CRY1: variants seen among roughly 807,000 people sequenced by gnomAD.
CRY1 encodes the protein cryptochrome-1.
CRY1 carries 45 observed loss-of-function variants against 76.0 expected under a neutral mutation model. The ratio of observed to expected loss-of-function variants is 0.59; its 90% CI spans 0.47 to 0.76. CRY1 has a LOEUF of 0.76. Among genes scored for constraint, CRY1 ranks in the 30% least tolerant of loss-of-function variants. The pLI is 0.00. For synonymous variants in CRY1, 248 were observed against 244.0 expected (o/e 1.02, Z -0.15); for missense variants, 587 against 716.4 (o/e 0.82, Z 2.06).
At position 107,082,348 on chromosome 12, in the gene CRY1, T is replaced by C. The variant is rs1009771615; in HGVS notation, c.158+10456A>G. Among the ~76,000 whole-genome samples, 18 of 152,246 alleles carry C rather than the reference T, an allele frequency of 1.2e-4. 1 individual carries two copies. The Middle Eastern group carries it at 0.01, about 86-fold the overall frequency. ...AACTCAACTCCGGACCAAGCAGACC[T>C]AGTAGACATCTACAGAACTCTCTAC... On this transcript the variant is annotated intron_variant, in intron 1 of 12. Coordinates refer to ENST00000008527, the MANE Select transcript of CRY1 (RefSeq NM_004075.5).
chr12:107,009,720 GTAAATA>G (rs1952422032), intron 2 of CRY1, among the ~76,000 whole-genome samples: 2 of 150,742 alleles, frequency 1.3e-5, no homozygotes, highest in Non-Finnish European at 1.5e-5. Context: ...CTCAGCCTAG[GTAAATA>G]TAATGAGACC....
chr12:107,040,915 C>A (rs1952791448), intron 1 of CRY1, among the ~76,000 whole-genome samples: 1 of 148,930 alleles, frequency 6.7e-6, no homozygotes, highest in East Asian at 1.9e-4. Context: ...GCTATATAAA[C>A]CTTTAAAAAA....
intron 1 of CRY1, among the ~76,000 whole-genome samples, chr12:107,045,848 A>G (rs910069737): frequency 1.3e-5 from 2 of 152,146 alleles, no homozygotes; most frequent in African/African-American, 4.8e-5. Context: ...ATTAGGAGAT[A>G]TACCTAATGT....
chr12:107,051,630 G>A (rs954597673), intron 1 of CRY1, among the ~76,000 whole-genome samples: 10 of 152,136 alleles, frequency 6.6e-5, no homozygotes, highest in Admixed American at 1.3e-4. Flanking sequence ...AAAGTTTCAC[G>A]AAGATAATCT....
At chr12:107,023,113 A>C (rs1952575970) in intron 1 of CRY1, among the ~76,000 whole-genome samples, 1 of 152,170 alleles carries the variant, frequency 6.6e-6, no homozygotes, top group Non-Finnish European at 1.5e-5. Context: ...TTTCAGCTGG[A>C]CGTATCTTAT....
chr12:107,006,777 G>A (rs182081153), intron 2 of CRY1, among the ~76,000 whole-genome samples: 111 of 151,130 alleles, frequency 7.3e-4, no homozygotes, highest in African/African-American at 2.6e-3. Flanking sequence ...TCAGCCTCCC[G>A]AGTAGCTGGG....
intron 1 of CRY1, among the ~76,000 whole-genome samples, 157 bp from the exon 2 acceptor site, chr12:107,022,349 T>A (rs1274783270): frequency 6.6e-6 from 1 of 152,104 alleles, no homozygotes; most frequent in Non-Finnish European, 1.5e-5. Context: ...TACTAATATA[T>A]ATTTTTTAAT....
intron 2 of CRY1, among the ~76,000 whole-genome samples, chr12:107,014,357 AG>A (rs1361119549): frequency 6.6e-6 from 1 of 152,176 alleles, no homozygotes; most frequent in African/African-American, 2.4e-5. Flanking sequence ...AGGGCTGCTG[AG>A]GTGAATGCTA....
chr12:107,048,462 T>C (rs1166478265), intron 1 of CRY1, among the ~76,000 whole-genome samples: 1 of 152,220 alleles, frequency 6.6e-6, no homozygotes, highest in Admixed American at 6.5e-5. Flanking sequence ...TATAGAATCA[T>C]TTTCCTTTTG....
At position 107,092,818 on chromosome 12, in the gene CRY1, GC is replaced by G. The variant is rs1213407867; in HGVS notation, c.143del (p.Gly48AlafsTer22). The G allele has an allele frequency of 6.2e-7, 1 of 1,611,538 alleles. No homozygotes were observed. Among genetic ancestry groups the G allele is most frequent in the Non-Finnish European group, 8.5e-7 (1 of 1,179,828 alleles). On this transcript the variant is annotated frameshift_variant, in exon 1 of 13. Transcript: ENST00000008527. LOFTEE classifies it high-confidence loss of function. Reference sequence around the variant, plus strand: ...TTGTGACTCACCGCCACCTGTTGATGCCCACATTGGAGGAGCCGGCGAACCA... The same window carrying G: ...TTGTGACTCACCGCCACCTGTTGATGCCACATTGGAGGAGCCGGCGAACCA... Reference protein sequence around the residue: ...DPWFAGSSNVGINRWRFLLQC... With the variant: ...DPWFAGSSNVXINRWRFLLQC...
At chr12:107,060,650 G>A (rs760850218) in intron 1 of CRY1, among the ~76,000 whole-genome samples, 5 of 152,162 alleles carry the variant, frequency 3.3e-5, no homozygotes, top group African/African-American at 7.2e-5. Context: ...ATCAGGAACT[G>A]AACGCAGGTC....
intron 1 of CRY1, among the ~76,000 whole-genome samples, chr12:107,067,846 G>A (rs1953130843): frequency 1.3e-5 from 2 of 152,168 alleles, no homozygotes; most frequent in South Asian, 2.1e-4. Flanking sequence ...GTTCTCAACC[G>A]AGGATGTTCC....
intron 1 of CRY1, among the ~76,000 whole-genome samples, chr12:107,028,147 A>C (rs1239602879): frequency 6.6e-6 from 1 of 152,164 alleles, no homozygotes; most frequent in Non-Finnish European, 1.5e-5. Flanking sequence ...GAAAAAACTA[A>C]AGTTCTGTAT....
intron 1 of CRY1, among the ~76,000 whole-genome samples, chr12:107,067,710 T>TG (rs983920941): frequency 1.3e-5 from 2 of 152,076 alleles, no homozygotes; most frequent in Non-Finnish European, 2.9e-5. Context: ...TGCAGATTAA[T>TG]GGGGGGAAGA....
intron 7 of CRY1, 50 bp downstream of exon 7, chr12:106,999,501 G>T: frequency 6.7e-7 from 1 of 1,496,146 alleles, no homozygotes; most frequent in Non-Finnish European, 9.0e-7. Context: ...GTTTTATTAA[G>T]GTAAGGATTC....
At chr12:107,011,568 T>A (rs1952444085) in intron 2 of CRY1, among the ~76,000 whole-genome samples, 1 of 152,112 alleles carries the variant, frequency 6.6e-6, no homozygotes, top group Admixed American at 6.5e-5. Context: ...TCAAACCAGA[T>A]ACAATACTCC....
intron 1 of CRY1, among the ~76,000 whole-genome samples, chr12:107,081,007 GTAAGAA>G (rs1953317359): frequency 6.6e-6 from 1 of 152,032 alleles, no homozygotes; most frequent in Admixed American, 6.6e-5. Flanking sequence ...AGAAGAAAAG[GTAAGAA>G]TAAATATAAA....
Position 107,092,730 on chromosome 12 carries a change from G to T in CRY1, c.158+74C>A, listed in dbSNP as rs574556617. 6.0e-5 allele frequency: 94 copies of T among 1,576,040 alleles called. No homozygotes were observed. In the African/African-American group the frequency reaches 1.2e-3, roughly 19 times the overall value. On this transcript the variant is annotated intron_variant, in intron 1 of 12. Transcript: ENST00000008527. ...TCCCACGTCTAAATTCACAGATTTG[G>T]CGGATCGCATGGAATTCATTAACAT...
chr12:107,049,399 G>T (rs1335149155), intron 1 of CRY1, among the ~76,000 whole-genome samples: 1 of 152,118 alleles, frequency 6.6e-6, no homozygotes, highest in Non-Finnish European at 1.5e-5. Flanking sequence ...TTTTGGGATG[G>T]GGTCTCATTC....
Sources: allele counts gnomAD v4.1 joint callset (sites outside exome capture counted in the v4.1 genomes callset), GRCh38; gene constraint gnomAD v4.1.1; transcripts MANE v1.5; gene names NCBI Gene and HGNC (gene_info 2026-07-23, HGNC 2026-07-21).